The following NUP42 variants were observed in gnomAD, a reference collection of about 807,000 sequenced individuals.
NUP42 encodes nucleoporin 42.
In NUP42, 47 loss-of-function variants were observed where a neutral mutation model predicts 35.9. The ratio of observed to expected loss-of-function variants is 1.31; its 90% CI spans 1.04 to 1.67. NUP42 has a LOEUF of 1.67. Among genes scored for constraint, NUP42 ranks in the 40% most tolerant of loss-of-function variants. The pLI, the probability that NUP42 is intolerant of heterozygous loss-of-function variation, is 0.00. For missense variants in NUP42, 514 were observed against 492.2 expected (o/e 1.04, Z -0.42); for synonymous variants, 173 against 173.3 (o/e 1.00, Z 0.01).
At chr7:23,193,604 A>G (rs57654018) in intron 3 of NUP42, among the ~76,000 whole-genome samples, 3,914 of 152,280 alleles carry the variant, frequency 0.026, 156 homozygotes, top group African/African-American at 0.089. Context: ...TGTATTTACA[A>G]TCCCCTAGCT....
chr7:23,195,215 T>C (rs1019934944), intron 3 of NUP42: 2 of 152,254 alleles, frequency 1.3e-5, no homozygotes, highest in Non-Finnish European at 2.9e-5. Flanking sequence ...CCCTTAACGG[T>C]AATTTAGGAA....
chr7:23,182,724 C>G (rs1785453356), intron 1 of NUP42, among the ~76,000 whole-genome samples: 1 of 127,432 alleles, frequency 7.8e-6, no homozygotes, highest in Non-Finnish European at 1.6e-5. Context: ...AGTGAAACAC[C>G]GTCTTTACTA....
chr7:23,185,062 T>G lies in NUP42; in HGVS notation c.122-8T>G. On this transcript the variant is annotated splice_polypyrimidine_tract_variant and splice_region_variant and intron_variant, in intron 1 of 6. Transcript: ENST00000258742. Reference sequence around the variant, plus strand: ...AGTAAAATTATTTTGTTTTATTGTTTATTTTAGGTAATAATAGACGTGGAT... The same window carrying G: ...AGTAAAATTATTTTGTTTTATTGTTGATTTTAGGTAATAATAGACGTGGAT... 2 of 1,589,928 alleles carry G rather than the reference T, an allele frequency of 1.3e-6. No individual in the cohort carries two copies. Among genetic ancestry groups the G allele is most frequent in the Non-Finnish European group, 1.7e-6 (2 of 1,169,214 alleles).
At chr7:23,194,702 G>A (rs534872757) in intron 3 of NUP42, 165 of 170,324 alleles carry the variant, frequency 9.7e-4, no homozygotes, top group Non-Finnish European at 1.6e-3. Flanking sequence ...TTTTGTTTTT[G>A]TTTTGAGACG....
intron 6 of NUP42, among the ~76,000 whole-genome samples, 183 bp downstream of exon 6, chr7:23,199,725 C>G (rs1213389882): frequency 6.6e-6 from 1 of 152,212 alleles, no homozygotes; most frequent in Non-Finnish European, 1.5e-5. Flanking sequence ...TGGGCATGTT[C>G]TTTGAAAGAC....
rs575217225 is a variant in NUP42 at position 23,190,872 on chromosome 7, C to A, written c.445+3726C>A. 2.0e-5 allele frequency among the ~76,000 whole-genome samples: 3 copies of A among 152,298 alleles called. No homozygotes were observed. In the South Asian group the frequency reaches 6.2e-4, roughly 32 times the overall value. On this transcript the variant is annotated intron_variant, in intron 3 of 6. Transcript: ENST00000258742. Reference sequence around the variant, plus strand: ...GACTTGAGAAAATTATCACTCAAATCATTTTCTGTGTTCTGTGGTTTGGAT... The same window carrying A: ...GACTTGAGAAAATTATCACTCAAATAATTTTCTGTGTTCTGTGGTTTGGAT...
chr7:23,200,250 T>A lies in NUP42; in HGVS notation c.777T>A (p.Ser259=), dbSNP rs753995702. 2 of 1,603,448 alleles carry A rather than the reference T, an allele frequency of 1.2e-6. No homozygotes were observed. Among genetic ancestry groups the A allele is most frequent in the African/African-American group, 1.3e-5 (1 of 74,852 alleles). The stretch of plus-strand genomic sequence containing the variant: ...ACTCTGGATTTGCTGCTGCCTCTTC[T>A]GGAAGCCCTGCTGGTTTTGGGAGTT... ...KTNSGFAAAS[S]GSPAGFGSSP... Residue 259 remains serine, a synonymous_variant, in exon 7 of 7, where the codon TCT becomes TCA. Transcript: ENST00000258742.
At chr7:23,188,370 A>G in intron 3 of NUP42, 5 of 980,964 alleles carry the variant, frequency 5.1e-6, no homozygotes, top group African/African-American at 1.7e-5. Context: ...GAGGAAAACA[A>G]TAAGTGATGC....
chr7:23,188,621 A>C (rs1311877477), intron 3 of NUP42: 7 of 757,166 alleles, frequency 9.2e-6, no homozygotes, highest in Non-Finnish European at 1.1e-5. Context: ...GTATGTGTAC[A>C]TGCCATGTAA....
intron 5 of NUP42, among the ~76,000 whole-genome samples, 167 bp downstream of exon 5, chr7:23,196,933 T>C (rs1284903876): frequency 6.6e-6 from 1 of 152,256 alleles, no homozygotes; most frequent in Non-Finnish European, 1.5e-5. Flanking sequence ...GAAATAGTTT[T>C]CTCTGTGTTC....
intron 3 of NUP42, among the ~76,000 whole-genome samples, chr7:23,193,245 G>T (rs1485442175): frequency 6.6e-6 from 1 of 152,202 alleles, no homozygotes; most frequent in Non-Finnish European, 1.5e-5. Flanking sequence ...AGCTTCCACA[G>T]TGTGGAAGAG....
chr7:23,196,510 C>G (rs1637216), intron 4 of NUP42, 170 bp from the exon 5 acceptor site: 2 of 561,316 alleles, frequency 3.6e-6, no homozygotes, highest in Non-Finnish European at 6.4e-6. Context: ...CTGGAGCTGG[C>G]ATATCTTTGA....
chr7:23,189,789 C>T (rs148933349), intron 3 of NUP42, among the ~76,000 whole-genome samples: 6 of 150,622 alleles, frequency 4.0e-5, no homozygotes, highest in East Asian at 4.0e-4. Flanking sequence ...GGTATGCGCC[C>T]GTAGTCCTAG....
chr7:23,183,873 C>G (rs1391347086), intron 1 of NUP42, among the ~76,000 whole-genome samples: 1 of 141,764 alleles, frequency 7.1e-6, no homozygotes, highest in East Asian at 2.0e-4. Context: ...GGGATCTGGT[C>G]TAGCAATCTC....
chr7:23,182,419 G>A, intron 1 of NUP42: 1 of 1,379,006 alleles, frequency 7.3e-7, no homozygotes. Context: ...CTGAGGACCT[G>A]GGTTTGGGCC....
intron 1 of NUP42, 112 bp from the exon 2 acceptor site, chr7:23,184,958 A>T (rs761244834): frequency 7.5e-5 from 63 of 842,220 alleles, no homozygotes; most frequent in Non-Finnish European, 1.1e-4. Context: ...GTGAGCCAAG[A>T]TCATGCCACT....
chr7:23,187,934 C>A, intron 3 of NUP42: 2 of 359,714 alleles, frequency 5.6e-6, no homozygotes, highest in South Asian at 4.2e-5. Flanking sequence ...AGAATATTCT[C>A]TGTCTCTCTC....
chr7:23,195,607 G>A (rs973409743), intron 3 of NUP42: 6 of 370,182 alleles, frequency 1.6e-5, no homozygotes, highest in Non-Finnish European at 2.9e-5. Context: ...TTCATTCTAC[G>A]CCACTTATCT....
At chr7:23,188,184 C>T in intron 3 of NUP42, 1 of 1,278,300 alleles carries the variant, frequency 7.8e-7, no homozygotes, top group East Asian at 3.1e-5. Flanking sequence ...GGGATCTTTC[C>T]TCTGTCTCAG....
Sources: gnomAD v4.1 joint callset for allele counts (sites outside exome capture counted in the v4.1 genomes callset) on GRCh38, gnomAD v4.1.1 for gene constraint, MANE v1.5 for transcripts, NCBI Gene and HGNC (gene_info 2026-07-23, HGNC 2026-07-21) for gene names.